Variants in MAGI2 observed in about 807,000 individuals in gnomAD.
MAGI2 encodes the protein membrane associated guanylate kinase, WW and PDZ domain containing 2, also known as membrane-associated guanylate kinase, WW and PDZ domain-containing protein 2.
A neutral mutation model predicts 133.3 loss-of-function variants in MAGI2; 35 were observed. The ratio of observed to expected loss-of-function variants is 0.26; its 90% confidence interval spans 0.20 to 0.35. MAGI2 has a LOEUF of 0.35. Ranked by LOEUF, MAGI2 falls within the 10% of genes least tolerant of loss-of-function variation. The pLI is 1.00. For synonymous variants in MAGI2, 729 were observed against 710.6 expected (o/e 1.03, Z -0.41); for missense variants, 1,636 against 1,863.4 (o/e 0.88, Z 2.25).
intron 1 of MAGI2, among the ~76,000 whole-genome samples, chr7:79,304,436 G>T (rs1343107871): frequency 6.6e-6 from 1 of 152,004 alleles, no homozygotes; most frequent in Non-Finnish European, 1.5e-5. Flanking sequence ...CTGGTGATGG[G>T]AGACGGAAGG....
In MAGI2 at chr7:79,180,422, G is replaced by A. The variant is rs1004839251; in HGVS notation, c.302-173216C>T. The stretch of plus-strand genomic sequence containing the variant: ...CAAGGAGGAACAGGTCACATCTTAT[G>A]TGGATGGCAGCAGGCAAAAAGAGAG... On this transcript the variant is annotated intron_variant, in intron 1 of 21. Transcript: ENST00000354212. Among the ~76,000 whole-genome samples the A allele has an allele frequency of 5.3e-5, 8 of 151,996 alleles. No individual in the cohort carries two copies. In the East Asian group the frequency reaches 1.5e-3, roughly 29 times the overall value.
intron 10 of MAGI2, among the ~76,000 whole-genome samples, chr7:78,201,696 C>T (rs191051721): frequency 9.9e-4 from 150 of 152,244 alleles, no homozygotes; most frequent in African/African-American, 3.4e-3. Flanking sequence ...GAATTAGGTT[C>T]CACTATAAAT....
At chr7:78,203,859 A>G (rs1253486622) in intron 10 of MAGI2, among the ~76,000 whole-genome samples, 1 of 152,240 alleles carries the variant, frequency 6.6e-6, no homozygotes, top group African/African-American at 2.4e-5. Flanking sequence ...CAAATTTTCT[A>G]TGTGATTCAA....
At chr7:79,161,202 T>C (rs985179890) in intron 1 of MAGI2, among the ~76,000 whole-genome samples, 1 of 152,066 alleles carries the variant, frequency 6.6e-6, no homozygotes, top group Non-Finnish European at 1.5e-5. Flanking sequence ...GTTACCCCTT[T>C]CCAGTACTAT....
rs1057410116 is a variant in MAGI2, at chr7:78,019,006, A to AT, written c.*308dup. Reference sequence around the variant, plus strand: ...AGTCCTTCATGCAGTGGGGAGGAATATTTTTTTTTCTTAAACTAAAGCTAC... The same window carrying AT: ...AGTCCTTCATGCAGTGGGGAGGAATATTTTTTTTTTCTTAAACTAAAGCTAC... On this transcript the variant is annotated 3_prime_UTR_variant, in exon 22 of 22. Coordinates refer to ENST00000354212, the MANE Select transcript of MAGI2 (RefSeq NM_012301.4). The AT allele has an allele frequency of 8.7e-4, 339 of 391,200 alleles. No individual in the cohort carries two copies. The highest frequency in any genetic ancestry group is 1.3e-3 in the South Asian group (11 of 8,398). 24.2% of individuals were successfully genotyped at this position (391,200 alleles called of 1,614,324 possible).
chr7:79,000,859 T>G (rs938857854), intron 2 of MAGI2, among the ~76,000 whole-genome samples: 5 of 152,204 alleles, frequency 3.3e-5, no homozygotes, highest in Admixed American at 6.5e-5. Flanking sequence ...CGTAACTCAG[T>G]GTAATTCAAT....
chr7:78,608,864 A>G (rs1016952428), intron 3 of MAGI2, among the ~76,000 whole-genome samples: 2 of 152,150 alleles, frequency 1.3e-5, no homozygotes, highest in Admixed American at 6.5e-5. Context: ...AGGGTTCCCT[A>G]GAGGGGCAGA....
rs564105104 is a variant in MAGI2, at chr7:78,949,509, G to T, written c.418+57581C>A. ...ATTGATAAGAAGGGTTGCATATAAA[G>T]AAAGCATGCTTGAAATCAGAGGCTA... On this transcript the variant is annotated intron_variant, in intron 2 of 21. Transcript: ENST00000354212. Among the ~76,000 whole-genome samples the T allele has an allele frequency of 1.6e-4, 24 of 152,250 alleles. 1 individual carries two copies. In the South Asian group the frequency reaches 4.8e-3, roughly 30 times the overall value.
At chr7:78,355,861 T>C (rs1361627386) in intron 7 of MAGI2, among the ~76,000 whole-genome samples, 1 of 152,220 alleles carries the variant, frequency 6.6e-6, no homozygotes, top group Admixed American at 6.5e-5. Context: ...ATATATTAAA[T>C]ATATTTTTTA....
At chr7:78,883,261 CACAAA>C (rs371642782) in intron 2 of MAGI2, among the ~76,000 whole-genome samples, 66 of 151,892 alleles carry the variant, frequency 4.3e-4, no homozygotes, top group African/African-American at 1.5e-3. Flanking sequence ...TAGACACACA[CACAAA>C]ACAAAACAAA....
intron 16 of MAGI2, among the ~76,000 whole-genome samples, chr7:78,149,918 C>T (rs1027127323): frequency 6.6e-6 from 1 of 152,162 alleles, no homozygotes; most frequent in African/African-American, 2.4e-5. Flanking sequence ...GGCAATGGCA[C>T]ACTCCACTAT....
At chr7:79,328,241 T>C (rs905841450) in intron 1 of MAGI2, among the ~76,000 whole-genome samples, 1 of 152,164 alleles carries the variant, frequency 6.6e-6, no homozygotes, top group African/African-American at 2.4e-5. Flanking sequence ...CATAGGTTCA[T>C]ATAGTTTTAG....
At chr7:78,610,310 G>T (rs563778760) in intron 3 of MAGI2, among the ~76,000 whole-genome samples, 2 of 152,296 alleles carry the variant, frequency 1.3e-5, no homozygotes, top group East Asian at 1.9e-4. Context: ...AGGCTGACTT[G>T]GTTTCTAGAG....
intron 3 of MAGI2, among the ~76,000 whole-genome samples, chr7:78,527,006 CAAAAAAAAAAAAAAA>C (rs55707442): frequency 9.7e-4 from 44 of 45,432 alleles, no homozygotes; most frequent in African/African-American, 2.8e-3. Context: ...GACTCCATCT[CAAAAAAAAAAAAAAA>C]AAAAAAAAAA....
chr7:78,413,535 T>C (rs1181429326), intron 6 of MAGI2, among the ~76,000 whole-genome samples: 1 of 151,948 alleles, frequency 6.6e-6, no homozygotes. Flanking sequence ...TAATAAACAG[T>C]TGGAAGTGTG....
intron 16 of MAGI2, among the ~76,000 whole-genome samples, chr7:78,158,036 CTTTT>C (rs1824569876): frequency 6.6e-6 from 1 of 152,102 alleles, no homozygotes; most frequent in Non-Finnish European, 1.5e-5. Context: ...TTCTTTCTTT[CTTTT>C]ATTTTTATTT....
At chr7:78,335,473 C>T (rs1789663368) in intron 9 of MAGI2, among the ~76,000 whole-genome samples, 1 of 152,112 alleles carries the variant, frequency 6.6e-6, no homozygotes, top group South Asian at 2.1e-4. Context: ...CGTTGGACCC[C>T]CAAGTATCTT....
chr7:78,399,267 G>C (rs1796632346), intron 6 of MAGI2, among the ~76,000 whole-genome samples: 1 of 152,168 alleles, frequency 6.6e-6, no homozygotes, highest in African/African-American at 2.4e-5. Flanking sequence ...CACACACCCA[G>C]AAATCCCAGA....
At chr7:79,376,203 C>T (rs1384562711) in intron 1 of MAGI2, among the ~76,000 whole-genome samples, 1 of 151,774 alleles carries the variant, frequency 6.6e-6, no homozygotes, top group Non-Finnish European at 1.5e-5. Context: ...CCTATATATA[C>T]CATGTTTTTT....
Sources: gnomAD v4.1 joint callset for allele counts (sites outside exome capture counted in the v4.1 genomes callset) on GRCh38, gnomAD v4.1.1 for gene constraint, MANE v1.5 for transcripts, NCBI Gene and HGNC (gene_info 2026-07-23, HGNC 2026-07-21) for gene names.